TDRD1: variants seen among roughly 807,000 people sequenced by gnomAD.
TDRD1 encodes the protein tudor domain containing 1.
TDRD1 carries 37 observed loss-of-function variants against 140.6 expected under a neutral mutation model. The observed-to-expected ratio is 0.26, with a 90% CI of 0.20 to 0.35. The LOEUF (loss-of-function observed/expected upper bound fraction) is 0.35, where lower values mean the gene tolerates loss of function less well. TDRD1 is among the 10% of genes least tolerant of loss of function. The probability of loss-of-function intolerance (pLI) is 1.00; values close to 1 mark genes in which losing one functional copy is unlikely to be tolerated. For missense variants in TDRD1, 1,243 were observed against 1,393.0 expected (o/e 0.89, Z 1.71); for synonymous variants, 506 against 475.7 (o/e 1.06, Z -0.83).
chr10:114,192,045 T>C (rs1400574761), intron 3 of TDRD1, among the ~76,000 whole-genome samples: 2 of 148,176 alleles, frequency 1.3e-5, no homozygotes, highest in Non-Finnish European at 3.0e-5. Context: ...GTCTTTTGTC[T>C]ATTTTCTAAT....
At chr10:114,199,891 G>T (rs2034615105) in intron 4 of TDRD1, among the ~76,000 whole-genome samples, 1 of 152,186 alleles carries the variant, frequency 6.6e-6, no homozygotes, top group Admixed American at 6.5e-5. Flanking sequence ...GCTTTTGTCT[G>T]TTATGAATAG....
chr10:114,208,869 G>A (rs2035299094), intron 11 of TDRD1, among the ~76,000 whole-genome samples: 1 of 151,798 alleles, frequency 6.6e-6, no homozygotes. Flanking sequence ...CGCCTCCTAG[G>A]TTCAAGTGAT....
chr10:114,204,326 G>A, intron 9 of TDRD1, 110 bp downstream of exon 9: 1 of 1,199,066 alleles, frequency 8.3e-7, no homozygotes, highest in Non-Finnish European at 1.1e-6. Flanking sequence ...TACTGTACCT[G>A]TACTATGTAA....
At chr10:114,203,931 A>G in intron 8 of TDRD1, 142 bp from the exon 9 acceptor site, 1 of 985,070 alleles carries the variant, frequency 1.0e-6, no homozygotes, top group Middle Eastern at 3.3e-4. Flanking sequence ...CAAGATTCTT[A>G]AAAAATTAAG....
downstream of TDRD1, among the ~76,000 whole-genome samples, chr10:114,232,504 C>CTTTTTTTTTTTTTTTT (rs140805425): frequency 6.1e-5 from 5 of 81,668 alleles, no homozygotes; most frequent in African/African-American, 9.6e-5. Flanking sequence ...ACTTGAAAGA[C>CTTTTTTTTTTTTTTTT]TTTTTTTTTT....
exon 18 of TDRD1, chr10:114,218,456 C>A: frequency 6.2e-7 from 1 of 1,607,362 alleles, no homozygotes; most frequent in Non-Finnish European, 8.5e-7. Context: ...GAAATCTTAC[C>A]AAATGGACAT....
intron 25 of TDRD1, chr10:114,228,821 C>A (rs1430998325): frequency 2.0e-6 from 2 of 979,942 alleles, no homozygotes; most frequent in African/African-American, 3.5e-5. Flanking sequence ...TGGTGGCTCA[C>A]GCCTGTAATC....
chr10:114,188,002 C>G, exon 2 of TDRD1: 1 of 1,614,120 alleles, frequency 6.2e-7, no homozygotes, highest in Non-Finnish European at 8.5e-7. Context: ...GGCTGAAAAG[C>G]TCAGAGAATG....
chr10:114,217,816 A>G (rs576318918), intron 17 of TDRD1, among the ~76,000 whole-genome samples, 161 bp downstream of exon 17: 1 of 152,356 alleles, frequency 6.6e-6, no homozygotes, highest in Non-Finnish European at 1.5e-5. Flanking sequence ...CTTTGTAACA[A>G]GGAACTTACA....
chr10:114,229,565 T>TG (rs71473029), intron 25 of TDRD1, among the ~76,000 whole-genome samples: 1 of 148,084 alleles, frequency 6.8e-6, no homozygotes, highest in Non-Finnish European at 1.5e-5. Context: ...TTTTTTTTTT[T>TG]GGAGACGGAG....
intron 5 of TDRD1, among the ~76,000 whole-genome samples, 197 bp downstream of exon 5, chr10:114,201,712 G>A (rs1210407751): frequency 6.6e-6 from 1 of 152,204 alleles, no homozygotes; most frequent in Non-Finnish European, 1.5e-5. Flanking sequence ...TAGTACATGT[G>A]AAGATTTATA....
At position 114,188,876 on chromosome 10, in the gene TDRD1, GAAAA is replaced by G. The variant is rs34349007; in HGVS notation, c.325+736_325+739del. Among the ~76,000 whole-genome samples the G allele has an allele frequency of 8.6e-4, 92 of 107,184 alleles. 1 individual carries two copies. Among genetic ancestry groups the G allele is most frequent in the Middle Eastern group, 5.1e-3 (1 of 198 alleles). 70.3% of individuals were successfully genotyped at this position (107,184 alleles called of 152,430 possible). A position where few individuals can be genotyped will look rare whatever the true frequency, so the allele number is the denominator to read the frequency against. ...GTCTCAAAACAAAATAAAACAAAAT[GAAAA>G]AAAAAAAAAAAAAAACCTTTCTAAA... On this transcript the variant is annotated intron_variant, in intron 2 of 25. Transcript: ENST00000251864.
intron 12 of TDRD1, 36 bp from the exon 13 acceptor site, chr10:114,210,824 A>T: frequency 6.2e-6 from 10 of 1,612,484 alleles, no homozygotes; most frequent in Non-Finnish European, 8.5e-6. Context: ...TAATGTATAG[A>T]TACGTATTTC....
exon 10 of TDRD1, chr10:114,204,868 T>C: frequency 6.3e-7 from 1 of 1,592,626 alleles, no homozygotes; most frequent in South Asian, 1.2e-5. Context: ...TTACCTTTGC[T>C]GTAGAAGTTG....
intron 18 of TDRD1, among the ~76,000 whole-genome samples, chr10:114,219,445 G>T (rs1005015262): frequency 1.3e-5 from 2 of 152,088 alleles, no homozygotes; most frequent in Non-Finnish European, 2.9e-5. Context: ...GTGTATTTTG[G>T]ACATCTGCAC....
intron 1 of TDRD1, among the ~76,000 whole-genome samples, chr10:114,181,113 A>G (rs190540786): frequency 2.0e-5 from 3 of 152,290 alleles, no homozygotes; most frequent in East Asian, 3.9e-4. Flanking sequence ...TGCCTGTAGA[A>G]CTATAGAAAT....
chr10:114,197,148 A>T (rs114738727), intron 3 of TDRD1, among the ~76,000 whole-genome samples: 1,551 of 152,030 alleles, frequency 0.01, 28 homozygotes, highest in African/African-American at 0.036. Context: ...GCCTGGCCTC[A>T]GCAGTCATTT....
At chr10:114,181,764 G>A (rs2033086198) in intron 1 of TDRD1, among the ~76,000 whole-genome samples, 1 of 150,922 alleles carries the variant, frequency 6.6e-6, no homozygotes, top group Non-Finnish European at 1.5e-5. Context: ...AGAATTGTTT[G>A]AACCCAGGAT....
At chr10:114,185,733 G>A (rs190769355) in intron 1 of TDRD1, among the ~76,000 whole-genome samples, 18 of 151,180 alleles carry the variant, frequency 1.2e-4, no homozygotes, top group East Asian at 1.2e-3. Context: ...GATTACAGGC[G>A]TACACCACCA....
Sources: gnomAD v4.1 joint callset for allele counts (sites outside exome capture counted in the v4.1 genomes callset) on GRCh38, gnomAD v4.1.1 for gene constraint, MANE v1.5 for transcripts, NCBI Gene and HGNC (gene_info 2026-07-23, HGNC 2026-07-21) for gene names.